Variants in BTRC observed in about 807,000 individuals in gnomAD.
BTRC encodes the protein F-box/WD repeat-containing protein 1A.
A neutral mutation model predicts 85.5 loss-of-function variants in BTRC; 42 were observed. That is an observed-to-expected ratio of 0.49 (90% CI 0.38 to 0.64). The LOEUF is 0.64. Ranked by LOEUF, BTRC falls within the 30% of genes least tolerant of loss-of-function variation. The probability of loss-of-function intolerance (pLI) is 0.00; values close to 1 mark genes in which losing one functional copy is unlikely to be tolerated. For missense variants in BTRC, 594 were observed against 743.5 expected, an observed-to-expected ratio of 0.80 and a Z score of 2.34; for synonymous variants, 255 against 263.3, an observed-to-expected ratio of 0.97 and a Z score of 0.30.
intron 1 of BTRC, among the ~76,000 whole-genome samples, chr10:101,420,743 T>G (rs1049949195): frequency 2.0e-5 from 3 of 152,032 alleles, no homozygotes; most frequent in Admixed American, 6.6e-5. Context: ...AAGCCTGTTT[T>G]GGGCCACTGT....
intron 5 of BTRC, 65 bp downstream of exon 5, chr10:101,521,935 T>C (rs2134369975): frequency 8.1e-7 from 1 of 1,240,110 alleles, no homozygotes; most frequent in East Asian, 2.5e-5. Flanking sequence ...GATCTCCAGC[T>C]ATATATCTCT....
intron 1 of BTRC, among the ~76,000 whole-genome samples, chr10:101,368,816 C>T (rs765319781): frequency 6.6e-6 from 1 of 151,926 alleles, no homozygotes; most frequent in Non-Finnish European, 1.5e-5. Flanking sequence ...GCCAGGAGTT[C>T]GAGTCTAGCC....
At chr10:101,454,608 C>G (rs1945028068) in intron 2 of BTRC, among the ~76,000 whole-genome samples, 1 of 152,044 alleles carries the variant, frequency 6.6e-6, no homozygotes, top group South Asian at 2.1e-4. Context: ...GTGAGAACCC[C>G]TGTATCTACA....
chr10:101,437,210 T>G (rs1401433496), intron 2 of BTRC, among the ~76,000 whole-genome samples: 2 of 152,174 alleles, frequency 1.3e-5, no homozygotes, highest in Non-Finnish European at 2.9e-5. Context: ...GAATGACAAA[T>G]CAAACATGTT....
At chr10:101,357,440 CAA>C (rs11294551) in intron 1 of BTRC, among the ~76,000 whole-genome samples, 125 of 85,762 alleles carry the variant, frequency 1.5e-3, no homozygotes, top group African/African-American at 3.2e-3. Context: ...GACTCTGTCT[CAA>C]AAAAAAAAAA....
At chr10:101,535,039 A>G (rs1360896214) in intron 10 of BTRC, 129 bp downstream of exon 10, 8 of 1,100,694 alleles carry the variant, frequency 7.3e-6, no homozygotes, top group Admixed American at 2.0e-5. Flanking sequence ...AGACTAGTCT[A>G]CAAGTGAAAA....
chr10:101,537,874 C>A (rs1316453166), intron 12 of BTRC, among the ~76,000 whole-genome samples: 1 of 152,100 alleles, frequency 6.6e-6, no homozygotes, highest in Non-Finnish European at 1.5e-5. Context: ...GGAAACATGG[C>A]CTATTAAAAG....
intron 1 of BTRC, among the ~76,000 whole-genome samples, chr10:101,355,456 G>A (rs1358253749): frequency 6.6e-6 from 1 of 152,166 alleles, no homozygotes. Context: ...GATATTTGAT[G>A]CTTTTAATCT....
At chr10:101,494,201 C>G in intron 4 of BTRC, among the ~76,000 whole-genome samples, 1 of 152,308 alleles carries the variant, frequency 6.6e-6, no homozygotes, top group East Asian at 1.9e-4. Context: ...AATGCAAAAC[C>G]AAACTAAGGT....
At position 101,550,903 on chromosome 10, in the gene BTRC, G is replaced by A. The variant is rs1360867522; in HGVS notation, c.*31+12G>A. 2 of 1,584,798 alleles carry A rather than the reference G, an allele frequency of 1.3e-6. No individual in the cohort carries two copies. The highest frequency in any genetic ancestry group is 1.7e-6 in the Non-Finnish European group (2 of 1,156,720). On this transcript the variant is annotated intron_variant, in intron 14 of 14. Transcript: ENST00000370187. ...TCATACTTGCCCAGGTATCGAAATC[G>A]ATTATGTACATAACACTGTGGGTAG...
At chr10:101,410,149 G>A (rs1589433890) in intron 1 of BTRC, among the ~76,000 whole-genome samples, 1 of 152,178 alleles carries the variant, frequency 6.6e-6, no homozygotes, top group East Asian at 1.9e-4. Context: ...GGAGTTTACT[G>A]ATAAAGCTTC....
rs755481178 is a variant in BTRC at position 101,549,713 on chromosome 10, C to CAAAAAAAAAAAAAAAAAA, written c.1657-980_1657-963dup. ...GGGGCGAAAGAGCGAGACTCTGTCT[C>CAAAAAAAAAAAAAAAAAA]AAAAAAAAAAAAAAAAAAAAAAAGA... On this transcript the variant is annotated intron_variant, in intron 13 of 14. Transcript: ENST00000370187. Among the ~76,000 whole-genome samples, 159 of 42,754 alleles carry CAAAAAAAAAAAAAAAAAA rather than the reference C, an allele frequency of 3.7e-3. 36 individuals are homozygous for CAAAAAAAAAAAAAAAAAA. Among genetic ancestry groups the CAAAAAAAAAAAAAAAAAA allele is most frequent in the East Asian group, 0.033 (26 of 792 alleles). 28.0% of individuals were successfully genotyped at this position (42,754 alleles called of 152,430 possible).
chr10:101,418,619 TG>T (rs1175263883), intron 1 of BTRC, among the ~76,000 whole-genome samples: 3 of 147,802 alleles, frequency 2.0e-5, no homozygotes, highest in Non-Finnish European at 4.6e-5. Flanking sequence ...TTCTCACATC[TG>T]CTTTTTTTTT....
intron 1 of BTRC, among the ~76,000 whole-genome samples, chr10:101,396,598 T>C (rs1943370476): frequency 6.6e-6 from 1 of 152,042 alleles, no homozygotes; most frequent in South Asian, 2.1e-4. Flanking sequence ...TCATTTTTGA[T>C]CTACTTAGGA....
Position 101,531,343 on chromosome 10 carries a change from T to C in BTRC, c.840+10T>C. ...TATACAAGACATTGAGGTAAGAATC[T>C]ATGTATTTTGGGGTATTGCCCAAGG... On this transcript the variant is annotated intron_variant, in intron 7 of 14. Coordinates refer to ENST00000370187, the MANE Select transcript of BTRC (RefSeq NM_033637.4). 1 of 1,570,440 alleles carries C rather than the reference T, an allele frequency of 6.4e-7. No homozygotes were observed. Among genetic ancestry groups the C allele is most frequent in the East Asian group, 2.2e-5 (1 of 44,582 alleles).
intron 1 of BTRC, among the ~76,000 whole-genome samples, chr10:101,429,904 T>G (rs1046898737): frequency 1.5e-4 from 23 of 152,098 alleles, no homozygotes; most frequent in Non-Finnish European, 2.9e-5. Flanking sequence ...GGTGTTTTGT[T>G]TTCTAATTTA....
At chr10:101,354,328 C>G in intron 1 of BTRC, 100 bp downstream of exon 1, 1 of 1,335,192 alleles carries the variant, frequency 7.5e-7, no homozygotes, top group Non-Finnish European at 1.0e-6. Flanking sequence ...CAGCGGGACC[C>G]TGGGCCGAGG....
intron 2 of BTRC, among the ~76,000 whole-genome samples, chr10:101,440,965 A>C (rs1043329603): frequency 7.2e-5 from 11 of 152,182 alleles, no homozygotes; most frequent in African/African-American, 2.4e-4. Flanking sequence ...AAAAGGAGGG[A>C]TATTAAGAAC....
chr10:101,445,336 T>A (rs1022615923), intron 2 of BTRC, among the ~76,000 whole-genome samples: 43 of 152,042 alleles, frequency 2.8e-4, no homozygotes, highest in African/African-American at 8.7e-4. Flanking sequence ...AGAAAAAAAA[T>A]TTTGTTTTCC....
Sources: allele counts gnomAD v4.1 joint callset (sites outside exome capture counted in the v4.1 genomes callset), GRCh38; gene constraint gnomAD v4.1.1; transcripts MANE v1.5; gene names NCBI Gene and HGNC (gene_info 2026-07-23, HGNC 2026-07-21).